The following CD40 variants were observed in gnomAD, a reference collection of about 807,000 sequenced individuals.
The protein encoded by CD40 is CD40 molecule.
A neutral mutation model predicts 38.5 loss-of-function variants in CD40; 19 were observed. The observed-to-expected ratio is 0.49, with a 90% confidence interval of 0.34 to 0.72. CD40 has a LOEUF of 0.72. CD40 is among the 30% of genes least tolerant of loss of function. The probability of loss-of-function intolerance (pLI) is 0.01; values close to 1 mark genes in which losing one functional copy is unlikely to be tolerated. For synonymous variants in CD40, 130 were observed against 128.7 expected, an observed-to-expected ratio of 1.01 and a Z score of -0.07; for missense variants, 256 against 344.1, an observed-to-expected ratio of 0.74 and a Z score of 2.03.
Position 46,128,927 on chromosome 20 carries a change from G to T in CD40, c.721G>T (p.Asp241Tyr), listed in dbSNP as rs764257725. ...QEPQEINFPD[D>Y]LPGSNTAAPV... The stretch of plus-strand genomic sequence containing the variant: ...ACCCCAGGAGATCAATTTTCCCGAC[G>T]ATCTTCCTGGCTCCAACACTGCTGC... The change falls in exon 9 of 9, where the codon GAT becomes TAT. Residue 241 changes from aspartate to tyrosine, a missense_variant. Transcript: ENST00000372285. The T allele has an allele frequency of 1.4e-5, 22 of 1,614,024 alleles. No individual in the cohort carries two copies. Among genetic ancestry groups the T allele is most frequent in the Non-Finnish European group, 1.6e-5 (19 of 1,180,022 alleles).
rs1430676701 is a variant in CD40, at chr20:46,122,023, C to G, written c.130+125C>G. The stretch of plus-strand genomic sequence containing the variant: ...CCATTTCCCAGCCCTGCTTCACTGT[C>G]AGAATGTTCTGGTTCCCTCTCTACC... On this transcript the variant is annotated intron_variant, in intron 2 of 8. Transcript: ENST00000372285. This position sits in a 1 kb window ranked among gnomAD's most constrained non-coding sequence, Gnocchi z 5.0. The G allele has an allele frequency of 2.9e-6, 3 of 1,039,164 alleles. No homozygotes were observed. Among genetic ancestry groups the G allele is most frequent in the African/African-American group, 1.6e-5 (1 of 63,384 alleles). The allele number at this position is 1,039,164 out of a possible 1,614,324, so 64.4% of individuals were successfully genotyped here.
Position 46,122,031 on chromosome 20 carries a change from T to C in CD40, c.130+133T>C. On this transcript the variant is annotated intron_variant, in intron 2 of 8. Coordinates refer to ENST00000372285, the MANE Select transcript of CD40 (RefSeq NM_001250.6). The surrounding 1 kb of genome is among the most constrained non-coding windows in gnomAD (Gnocchi z 5.0). ...CAGCCCTGCTTCACTGTCAGAATGT[T>C]CTGGTTCCCTCTCTACCAGGTAAAA... 2.0e-6 allele frequency: 2 copies of C among 1,015,144 alleles called. No homozygotes were observed. Among genetic ancestry groups the C allele is most frequent in the Non-Finnish European group, 3.1e-6 (2 of 654,656 alleles). The allele number at this position is 1,015,144 out of a possible 1,614,324, so 62.9% of individuals were successfully genotyped here.
chr20:46,128,487 G>T, intron 8 of CD40, 129 bp downstream of exon 8: 1 of 1,026,254 alleles, frequency 9.7e-7, no homozygotes. Context: ...GCAGAATTGG[G>T]GACTGTCATC....
chr20:46,118,481 C>T (rs2085254977), intron 1 of CD40, 87 bp downstream of exon 1: 1 of 710,430 alleles, frequency 1.4e-6, no homozygotes, highest in African/African-American at 1.9e-5. Flanking sequence ...AGAGGCCTTC[C>T]TGGCTGATTT....
intron 6 of CD40, 41 bp downstream of exon 6, chr20:46,126,742 G>T: frequency 6.2e-7 from 1 of 1,613,978 alleles, no homozygotes; most frequent in Non-Finnish European, 8.5e-7. Flanking sequence ...GCCTAGGAAG[G>T]TGGGAACTGA....
In CD40 at chr20:46,128,037, C is replaced by A. The variant is rs11569336; in HGVS notation, c.560-101C>A. ...GTTTGAACCTTCTGATGTAGATGAG[C>A]TCTGACATTGGAAGATTCTGGAGTC... On this transcript the variant is annotated intron_variant, in intron 6 of 8. Coordinates refer to ENST00000372285, the MANE Select transcript of CD40 (RefSeq NM_001250.6). The A allele has an allele frequency of 2.1e-4, 343 of 1,605,874 alleles. 3 individuals are homozygous for A. The South Asian group carries it at 3.6e-3, about 17-fold the overall frequency.
rs752316532 is a variant in CD40 at position 46,128,367 on chromosome 20, C to T, written c.675+9C>T. On this transcript the variant is annotated intron_variant, in intron 8 of 8. Transcript: ENST00000372285. Reference sequence around the variant, plus strand: ...AGAAGCCAACCAATAAGGTAGGTCACCCCTGAGAACCCGGGACAGAGTTTT... The same window carrying T: ...AGAAGCCAACCAATAAGGTAGGTCATCCCTGAGAACCCGGGACAGAGTTTT... The T allele has an allele frequency of 6.2e-7, 1 of 1,610,596 alleles. No homozygotes were observed. The highest frequency in any genetic ancestry group is 8.5e-7 in the Non-Finnish European group (1 of 1,179,002).
At position 46,121,913 on chromosome 20, in the gene CD40, C is replaced by A; in HGVS notation, c.130+15C>A. ...GTGCCAGCCAGGTGAGATGCCAACC[C>A]TCTAGCCCCATCATGGAGTCCCCCT... On this transcript the variant is annotated intron_variant, in intron 2 of 8. Transcript: ENST00000372285. 6.2e-7 allele frequency: 1 copy of A among 1,606,210 alleles called. No homozygotes were observed. The highest frequency in any genetic ancestry group is 8.5e-7 in the Non-Finnish European group (1 of 1,172,764).
intron 1 of CD40, among the ~76,000 whole-genome samples, chr20:46,118,729 C>T (rs1371704807): frequency 6.6e-6 from 1 of 152,066 alleles, no homozygotes; most frequent in Non-Finnish European, 1.5e-5. Flanking sequence ...TGAGGCGGAC[C>T]AAGGGAAGGG....
At position 46,122,491 on chromosome 20, in the gene CD40, T is replaced by C; in HGVS notation, c.257-119T>C. 1 of 1,567,792 alleles carries C rather than the reference T, an allele frequency of 6.4e-7. No individual in the cohort carries two copies. The highest frequency in any genetic ancestry group is 8.8e-7 in the Non-Finnish European group (1 of 1,140,082). On this transcript the variant is annotated intron_variant, in intron 3 of 8. Transcript: ENST00000372285. The surrounding 1 kb of genome is among the most constrained non-coding windows in gnomAD (Gnocchi z 5.0). ...CGGGCTGTACTGATCATTAAATGAT[T>C]TGATTGCCATCTCTACTTGGAAGAG...
At position 46,128,864 on chromosome 20, in the gene CD40, C is replaced by T. The variant is rs2085494751; in HGVS notation, c.676-18C>T. 6.2e-7 allele frequency: 1 copy of T among 1,613,668 alleles called. No individual in the cohort carries two copies. The highest frequency in any genetic ancestry group is 1.3e-5 in the African/African-American group (1 of 74,912). On this transcript the variant is annotated intron_variant, in intron 8 of 8. Transcript: ENST00000372285. ...CTGCCCCTGCTGCTGGGGGTGACCT[C>T]ACACCTTGCCTCTCCAGGCCCCCCA... is the stretch of plus-strand genomic sequence containing the variant.
At chr20:46,126,075 G>A (rs576269156) in intron 5 of CD40, among the ~76,000 whole-genome samples, 64 of 152,302 alleles carry the variant, frequency 4.2e-4, no homozygotes, top group Non-Finnish European at 8.1e-4. Context: ...GGGCAGTTTT[G>A]CTCCCTGTGG....
At chr20:46,126,955 G>A (rs1043718861) in intron 6 of CD40, 2 of 565,386 alleles carry the variant, frequency 3.5e-6, no homozygotes, top group Middle Eastern at 4.9e-4. Context: ...GAGAAGGTTG[G>A]CCTACAGTAA....
At chr20:46,127,550 CTGAG>C (rs1166655691) in intron 6 of CD40, among the ~76,000 whole-genome samples, 1 of 152,194 alleles carries the variant, frequency 6.6e-6, no homozygotes, top group African/African-American at 2.4e-5. Flanking sequence ...ACCTTGATGA[CTGAG>C]TGTTTTGGAC....
chr20:46,125,424 G>C (rs763840078), intron 5 of CD40, among the ~76,000 whole-genome samples: 4 of 151,528 alleles, frequency 2.6e-5, no homozygotes, highest in Non-Finnish European at 4.4e-5. Context: ...CACATCTGTA[G>C]TCCCAGCTAC....
At chr20:46,118,463 T>G (rs775377279) in intron 1 of CD40, 69 bp downstream of exon 1, 2 of 1,460,638 alleles carry the variant, frequency 1.4e-6, no homozygotes, top group Middle Eastern at 3.5e-4. Flanking sequence ...GAAGGAAGAC[T>G]TCGGGGAAGA....
chr20:46,128,614 G>A, intron 8 of CD40: 2 of 696,632 alleles, frequency 2.9e-6, no homozygotes, highest in Non-Finnish European at 5.1e-6. Context: ...TCAACGCGTG[G>A]GGAGCTGCAT....
rs2085500625 is a variant in CD40, at chr20:46,129,064, G to C, written c.*24G>C. 2 of 1,613,450 alleles carry C rather than the reference G, an allele frequency of 1.2e-6. No homozygotes were observed. The highest frequency in any genetic ancestry group is 1.7e-6 in the Non-Finnish European group (2 of 1,179,792). ...GAGGCTGCACCCACCCAGGAGTGTG[G>C]CCACGTGGGCAAACAGGCAGTTGGC... On this transcript the variant is annotated 3_prime_UTR_variant, in exon 9 of 9. Coordinates refer to ENST00000372285, the MANE Select transcript of CD40 (RefSeq NM_001250.6).
In CD40 at chr20:46,128,304, CTTTTTTTTTT is replaced by C. The variant is rs749590513; in HGVS notation, c.647-12_647-3del. The C allele has an allele frequency of 9.0e-6, 13 of 1,440,244 alleles. No homozygotes were observed. The highest frequency in any genetic ancestry group is 1.8e-5 in the African/African-American group (1 of 56,552). 89.2% of individuals were successfully genotyped at this position (1,440,244 alleles called of 1,614,324 possible). A position where few individuals can be genotyped will look rare whatever the true frequency, so the allele number is the denominator to read the frequency against. ...TATCTGGCCTCTCCAACTCCCCATC[CTTTTTTTTTT>C]TTTTTTTTTTTTTAGAAAAGGTGGC... On this transcript the variant is annotated splice_polypyrimidine_tract_variant and intron_variant, in intron 7 of 8. Coordinates refer to ENST00000372285, the MANE Select transcript of CD40 (RefSeq NM_001250.6).
Sources: allele counts gnomAD v4.1 joint callset (sites outside exome capture counted in the v4.1 genomes callset), GRCh38; gene constraint gnomAD v4.1.1; non-coding constraint Gnocchi (gnomAD v3.1); transcripts MANE v1.5; gene names NCBI Gene and HGNC (gene_info 2026-07-23, HGNC 2026-07-21).